Variants in DTNB observed in about 807,000 individuals in gnomAD.
DTNB encodes the protein dystrobrevin beta, also known as DTN-B.
Under a neutral mutation model 90.7 loss-of-function variants are expected in DTNB, and 63 were observed. The observed-to-expected ratio is 0.69, with a 90% CI of 0.57 to 0.86. The LOEUF (loss-of-function observed/expected upper bound fraction) is 0.86, where lower values mean the gene tolerates loss of function less well. Ranked by LOEUF, DTNB falls within the 40% of genes least tolerant of loss-of-function variation. The pLI is 0.00. For missense variants in DTNB, 744 were observed against 807.1 expected (o/e 0.92, Z 0.95); for synonymous variants, 277 against 286.7 (o/e 0.97, Z 0.34).
intron 16 of DTNB, among the ~76,000 whole-genome samples, chr2:25,407,387 G>A (rs2045467894): frequency 6.6e-6 from 1 of 152,128 alleles, no homozygotes; most frequent in Admixed American, 6.5e-5. Flanking sequence ...ACCAAAAGTA[G>A]ACCTACCATT....
At chr2:25,580,861 T>C in intron 6 of DTNB, 35 bp from the exon 7 acceptor site, 1 of 1,565,170 alleles carries the variant, frequency 6.4e-7, no homozygotes, top group Non-Finnish European at 8.7e-7. Context: ...TACTTTAAGT[T>C]TTTTAGGAAT....
At chr2:25,628,054 C>A in intron 4 of DTNB, 117 bp downstream of exon 4, 2 of 1,123,100 alleles carry the variant, frequency 1.8e-6, no homozygotes, top group East Asian at 2.5e-5. Context: ...CCCTTTTAAT[C>A]ATGATTCTAA....
chr2:25,596,896 G>A (rs997365466), intron 5 of DTNB, among the ~76,000 whole-genome samples: 5 of 152,146 alleles, frequency 3.3e-5, no homozygotes, highest in Admixed American at 3.3e-4. Context: ...GAATCTTCCA[G>A]TAATATTACT....
chr2:25,390,615 T>C (rs2040833434), intron 16 of DTNB, among the ~76,000 whole-genome samples: 1 of 151,898 alleles, frequency 6.6e-6, no homozygotes, highest in South Asian at 2.1e-4. Context: ...GCCTGGCTTT[T>C]CTTATATTTT....
rs1056165676 is a variant in DTNB at position 25,485,568 on chromosome 2, G to A, written c.1002-2695C>T. On this transcript the variant is annotated intron_variant, in intron 9 of 20. Coordinates refer to ENST00000406818, the MANE Select transcript of DTNB (RefSeq NM_021907.5). ...AAAACCAGACAGTAATGGCTATATT[G>A]TAAACTATAAACTAATCATAACTGA... is the stretch of plus-strand genomic sequence containing the variant. 6.6e-5 allele frequency among the ~76,000 whole-genome samples: 10 copies of A among 152,206 alleles called. No individual in the cohort carries two copies. In the East Asian group the frequency reaches 1.5e-3, roughly 23 times the overall value.
At chr2:25,500,146 C>T (rs1050370430) in intron 9 of DTNB, among the ~76,000 whole-genome samples, 2 of 152,094 alleles carry the variant, frequency 1.3e-5, no homozygotes, top group African/African-American at 4.8e-5. Flanking sequence ...AGCAATCCTC[C>T]TGCCTCAGCC....
chr2:25,550,888 A>T (rs1338970466), intron 8 of DTNB, among the ~76,000 whole-genome samples: 1 of 152,122 alleles, frequency 6.6e-6, no homozygotes, highest in African/African-American at 2.4e-5. Flanking sequence ...GAATTCAAGC[A>T]ATCTGCCCAC....
chr2:25,378,774 C>T (rs1045092117), intron 20 of DTNB, among the ~76,000 whole-genome samples: 5 of 152,280 alleles, frequency 3.3e-5, no homozygotes, highest in African/African-American at 4.8e-5. Flanking sequence ...GCAGCTTGGC[C>T]GGGCACCATG....
At chr2:25,388,140 G>T (rs1299547335) in intron 17 of DTNB, 62 bp downstream of exon 17, 3 of 1,536,752 alleles carry the variant, frequency 2.0e-6, no homozygotes, top group East Asian at 2.4e-5. Context: ...ACCTCAGCAG[G>T]AATCTTGTCC....
intron 2 of DTNB, among the ~76,000 whole-genome samples, chr2:25,648,195 A>T (rs1418616754): frequency 6.6e-6 from 1 of 152,198 alleles, no homozygotes; most frequent in East Asian, 1.9e-4. Context: ...TTTCTTGGTG[A>T]TTTTATATCA....
At chr2:25,604,586 C>T (rs1446066137) in intron 5 of DTNB, among the ~76,000 whole-genome samples, 1 of 151,810 alleles carries the variant, frequency 6.6e-6, no homozygotes, top group East Asian at 1.9e-4. Flanking sequence ...TTTTAAATTA[C>T]TTTTATTTTT....
At chr2:25,470,958 C>G (rs954719052) in intron 10 of DTNB, among the ~76,000 whole-genome samples, 3 of 152,204 alleles carry the variant, frequency 2.0e-5, no homozygotes, top group Non-Finnish European at 4.4e-5. Flanking sequence ...TAAGGACACT[C>G]CCCATCTGGA....
intron 16 of DTNB, among the ~76,000 whole-genome samples, chr2:25,395,014 A>T (rs573899386): frequency 5.9e-5 from 9 of 152,226 alleles, no homozygotes; most frequent in Non-Finnish European, 1.2e-4. Flanking sequence ...GGGTAAAACA[A>T]ATGGGATAGA....
At chr2:25,510,875 G>C (rs1480359720) in intron 9 of DTNB, among the ~76,000 whole-genome samples, 4 of 152,222 alleles carry the variant, frequency 2.6e-5, no homozygotes, top group Admixed American at 6.5e-5. Flanking sequence ...CACCCAAATA[G>C]AGAAGCTTTA....
intron 10 of DTNB, among the ~76,000 whole-genome samples, chr2:25,460,785 C>T (rs1193062011): frequency 6.6e-6 from 1 of 152,008 alleles, no homozygotes; most frequent in Non-Finnish European, 1.5e-5. Context: ...AAGGAAATGG[C>T]AGAACAGAAA....
At chr2:25,646,020 A>G (rs2079358440) in intron 2 of DTNB, among the ~76,000 whole-genome samples, 2 of 152,160 alleles carry the variant, frequency 1.3e-5, no homozygotes, top group Non-Finnish European at 2.9e-5. Context: ...AACCAAAAAT[A>G]ACTCTAAGGC....
chr2:25,469,529 T>G (rs1055218063), intron 10 of DTNB, among the ~76,000 whole-genome samples: 6 of 152,176 alleles, frequency 3.9e-5, no homozygotes, highest in African/African-American at 1.4e-4. Context: ...CACTGCAACC[T>G]CCGCCTCCTG....
chr2:25,427,468 G>C, intron 15 of DTNB, 67 bp downstream of exon 15: 1 of 1,489,856 alleles, frequency 6.7e-7, no homozygotes, highest in East Asian at 2.3e-5. Context: ...ACATCACAGG[G>C]AGGCAGCAGC....
At chr2:25,521,114 C>T (rs894312534) in intron 9 of DTNB, among the ~76,000 whole-genome samples, 7 of 151,982 alleles carry the variant, frequency 4.6e-5, no homozygotes, top group Non-Finnish European at 8.8e-5. Context: ...TTATCTTCAC[C>T]GCTGCGTGAA....
Sources: allele counts gnomAD v4.1 joint callset (sites outside exome capture counted in the v4.1 genomes callset), GRCh38; gene constraint gnomAD v4.1.1; transcripts MANE v1.5; gene names NCBI Gene and HGNC (gene_info 2026-07-23, HGNC 2026-07-21).